The following ELAPOR1 variants were observed in gnomAD, a reference collection of about 807,000 sequenced individuals.
ELAPOR1 encodes endosome-lysosome associated apoptosis and autophagy regulator 1.
ELAPOR1 carries 77 observed loss-of-function variants against 119.7 expected under a neutral mutation model. The ratio of observed to expected loss-of-function variants is 0.64; its 90% CI spans 0.54 to 0.78. The LOEUF (loss-of-function observed/expected upper bound fraction) is 0.78, where lower values mean the gene tolerates loss of function less well. Ranked by LOEUF, ELAPOR1 falls within the 30% of genes least tolerant of loss-of-function variation. The probability of loss-of-function intolerance (pLI) is 0.00; values close to 1 mark genes in which losing one functional copy is unlikely to be tolerated. For missense variants in ELAPOR1, 1,115 were observed against 1,270.4 expected, an observed-to-expected ratio of 0.88 and a Z score of 1.86; for synonymous variants, 481 against 487.2, an observed-to-expected ratio of 0.99 and a Z score of 0.17.
chr1:109,123,284 C>A (rs1188880185), intron 1 of ELAPOR1, among the ~76,000 whole-genome samples: 1 of 152,178 alleles, frequency 6.6e-6, no homozygotes, highest in Non-Finnish European at 1.5e-5. Context: ...AATAACCAAC[C>A]ACTCCAATGG....
rs536099356 is a variant in ELAPOR1, at chr1:109,143,294, G to A, written c.154-18600G>A. On this transcript the variant is annotated intron_variant, in intron 1 of 21. Coordinates refer to ENST00000369939, the MANE Select transcript of ELAPOR1 (RefSeq NM_020775.5). Reference sequence around the variant, plus strand: ...CAGCCACAAAAAGGAATTAAGTACTGATCATGCTATAGTATGTACAACACT... The same window carrying A: ...CAGCCACAAAAAGGAATTAAGTACTAATCATGCTATAGTATGTACAACACT... Among the ~76,000 whole-genome samples, 5 of 152,264 alleles carry A rather than the reference G, an allele frequency of 3.3e-5. No individual in the cohort carries two copies. The South Asian group carries it at 1.0e-3, about 32-fold the overall frequency.
At position 109,198,059 on chromosome 1, in the gene ELAPOR1, G is replaced by A. The variant is rs372787022; in HGVS notation, c.2383G>A (p.Val795Met). ...FHLESLGIPD[V>M]IFFYRSNDVT... The stretch of plus-strand genomic sequence containing the variant: ...CCTGGAGTCCTTGGGAATACCGGAC[G>A]TGATCTTCTTTTATAGGTGAAGATG... Residue 795 changes from valine (V) to methionine (M), a missense_variant, in exon 17 of 22, where the codon GTG becomes ATG. Coordinates refer to ENST00000369939, the MANE Select transcript of ELAPOR1 (RefSeq NM_020775.5). 30 of 1,613,300 alleles carry A rather than the reference G, an allele frequency of 1.9e-5. No individual in the cohort carries two copies. The Middle Eastern group carries it at 4.9e-4, about 27-fold the overall frequency.
At position 109,194,557 on chromosome 1, in the gene ELAPOR1, A is replaced by T. The variant is rs1653663584; in HGVS notation, c.2084A>T (p.Tyr695Phe). ...AGCTTCACTTCCAAAGGGCTGAAAT[A>T]CTTCCATCACTTTACCCTCAGTCTC... Reference protein sequence around the residue: ...GPSFTSKGLKYFHHFTLSLCG... With the variant: ...GPSFTSKGLKFFHHFTLSLCG... The change falls in exon 15 of 22, where the codon TAC (tyrosine) becomes TTC (phenylalanine). Residue 695 changes from tyrosine to phenylalanine, a missense_variant. By Grantham distance (22) the Tyr-to-Phe change is conservative. Transcript: ENST00000369939. 4 of 1,613,932 alleles carry T rather than the reference A, an allele frequency of 2.5e-6. No homozygotes were observed. The African/African-American group carries it at 4.0e-5, about 16-fold the overall frequency.
chr1:109,183,584 C>CTTCCTTT, intron 7 of ELAPOR1, among the ~76,000 whole-genome samples: 1 of 17,214 alleles, frequency 5.8e-5, no homozygotes, highest in South Asian at 2.5e-3. Context: ...TTCCTTCCTT[C>CTTCCTTT]CTTCCTTCCT....
At chr1:109,117,539 C>T (rs1648095826) in intron 1 of ELAPOR1, among the ~76,000 whole-genome samples, 1 of 152,132 alleles carries the variant, frequency 6.6e-6, no homozygotes, top group Non-Finnish European at 1.5e-5. Flanking sequence ...TGAGTGATGC[C>T]ATTTAGTAAG....
rs770619948 is a variant in ELAPOR1 at position 109,200,775 on chromosome 1, C to T, written c.2848C>T (p.Leu950Phe). ...KYSKLVMNAT[L>F]KDCDLPAADS... The stretch of plus-strand genomic sequence containing the variant: ...CTCCAAGCTGGTGATGAATGCTACT[C>T]TCAAGGACTGTGACCTGCCAGCAGC... Residue 950 changes from leucine (L) to phenylalanine (F), a missense_variant, in exon 21 of 22, where the codon CTC becomes TTC. Physicochemically the swap from Leu to Phe is conservative, Grantham distance 22. Coordinates refer to ENST00000369939, the MANE Select transcript of ELAPOR1 (RefSeq NM_020775.5). 2 of 1,614,200 alleles carry T rather than the reference C, an allele frequency of 1.2e-6. No individual in the cohort carries two copies. The highest frequency in any genetic ancestry group is 1.1e-5 in the South Asian group (1 of 91,088).
rs531595130 is a variant in ELAPOR1, at chr1:109,136,452, A to G, written c.153+22116A>G. Among the ~76,000 whole-genome samples the G allele has an allele frequency of 5.3e-5, 8 of 152,290 alleles. No individual in the cohort carries two copies. The East Asian group carries it at 1.2e-3, about 22-fold the overall frequency. ...TTCCGAAGGAACCAGCCCTGCCAAC[A>G]CCTTGATTTTGGGCTTCTGGCATCC... On this transcript the variant is annotated intron_variant, in intron 1 of 21. Coordinates refer to ENST00000369939, the MANE Select transcript of ELAPOR1 (RefSeq NM_020775.5).
At chr1:109,182,282 G>A (rs567599707) in intron 7 of ELAPOR1, among the ~76,000 whole-genome samples, 69 of 151,824 alleles carry the variant, frequency 4.5e-4, no homozygotes, top group African/African-American at 1.6e-3. Context: ...GTGAGCTGAG[G>A]TGGCACCACT....
intron 1 of ELAPOR1, among the ~76,000 whole-genome samples, chr1:109,134,951 G>C (rs1649375045): frequency 6.6e-6 from 1 of 152,112 alleles, no homozygotes; most frequent in Non-Finnish European, 1.5e-5. Flanking sequence ...AAAATCATGG[G>C]ATCATGTAAT....
intron 1 of ELAPOR1, among the ~76,000 whole-genome samples, chr1:109,161,151 C>T (rs1006947193): frequency 3.9e-5 from 6 of 152,036 alleles, no homozygotes; most frequent in African/African-American, 1.4e-4. Context: ...GTGGCTCATG[C>T]CTGTAATCCC....
intron 1 of ELAPOR1, among the ~76,000 whole-genome samples, chr1:109,118,721 T>A (rs1648188164): frequency 6.6e-6 from 1 of 151,674 alleles, no homozygotes; most frequent in Non-Finnish European, 1.5e-5. Flanking sequence ...ATGGTAGGAG[T>A]TACTATCCAA....
rs561694222 is a variant in ELAPOR1 at position 109,179,270 on chromosome 1, C to T, written c.952+5433C>T. 2.2e-4 allele frequency among the ~76,000 whole-genome samples: 33 copies of T among 151,766 alleles called. No homozygotes were observed. In the East Asian group the frequency reaches 4.3e-3, roughly 20 times the overall value. The stretch of plus-strand genomic sequence containing the variant: ...TCAAAAAATTGGCCGGGCATGGTGG[C>T]GGGCGCCTTTAGTCCCAGCTACTCG... On this transcript the variant is annotated intron_variant, in intron 7 of 21. Coordinates refer to ENST00000369939, the MANE Select transcript of ELAPOR1 (RefSeq NM_020775.5).
chr1:109,170,442 C>T (rs1204625011), intron 3 of ELAPOR1, among the ~76,000 whole-genome samples: 4 of 152,200 alleles, frequency 2.6e-5, no homozygotes, highest in East Asian at 1.9e-4. Flanking sequence ...TAAGGGCACC[C>T]ATAGCAGAAG....
chr1:109,138,340 G>A (rs531146856), intron 1 of ELAPOR1, among the ~76,000 whole-genome samples: 4 of 152,122 alleles, frequency 2.6e-5, no homozygotes, highest in Admixed American at 2.6e-4. Flanking sequence ...GTTTTTATTC[G>A]GTGTTTCCTT....
chr1:109,176,355 ACACT>A (rs1347270717), intron 7 of ELAPOR1, among the ~76,000 whole-genome samples: 1 of 152,174 alleles, frequency 6.6e-6, no homozygotes, highest in African/African-American at 2.4e-5. Context: ...TTCCCCAGAA[ACACT>A]CACAACTATT....
At chr1:109,199,740 T>C (rs748081723) in intron 18 of ELAPOR1, 114 bp from the exon 19 acceptor site, 187 of 1,225,264 alleles carry the variant, frequency 1.5e-4, no homozygotes, top group Non-Finnish European at 2.0e-4. Flanking sequence ...GTAGGGCTAA[T>C]GGTTTGGGCA....
rs5776967 is a variant in ELAPOR1, at chr1:109,197,688, A to AGTGTGTGT, written c.2302+53_2302+60dup. On this transcript the variant is annotated intron_variant, in intron 16 of 21. Transcript: ENST00000369939. The stretch of plus-strand genomic sequence containing the variant: ...CTCCGCTGCCTCAGCCTTGTTTGAG[A>AGTGTGTGT]GTGTGTGTGTGTGTGTGTGTGTGTG... The AGTGTGTGT allele has an allele frequency of 1.5e-4, 207 of 1,366,788 alleles. No homozygotes were observed. The South Asian group carries it at 2.2e-3, about 15-fold the overall frequency. 84.7% of individuals were successfully genotyped at this position (1,366,788 alleles called of 1,614,324 possible).
intron 10 of ELAPOR1, among the ~76,000 whole-genome samples, 168 bp from the exon 11 acceptor site, chr1:109,189,424 T>C (rs1304444625): frequency 1.3e-5 from 2 of 152,232 alleles, no homozygotes; most frequent in African/African-American, 4.8e-5. Flanking sequence ...TCTGAGAGCT[T>C]CAGGGTTTTT....
intron 1 of ELAPOR1, among the ~76,000 whole-genome samples, chr1:109,147,072 A>T (rs1228476323): frequency 9.9e-5 from 14 of 141,294 alleles, no homozygotes; most frequent in Middle Eastern, 3.5e-3. Context: ...CGCCTGGCTA[A>T]TTTTTTTTTT....
Sources: allele counts gnomAD v4.1 joint callset (sites outside exome capture counted in the v4.1 genomes callset), GRCh38; gene constraint gnomAD v4.1.1; transcripts MANE v1.5; gene names NCBI Gene and HGNC (gene_info 2026-07-23, HGNC 2026-07-21).